Variants in MSH3 observed in about 807,000 individuals in gnomAD.
MSH3 encodes mutS homolog 3.
A neutral mutation model predicts 123.3 loss-of-function variants in MSH3; 106 were observed. That is an observed-to-expected ratio of 0.86 (90% CI 0.73 to 1.01). The LOEUF (loss-of-function observed/expected upper bound fraction) is 1.01. MSH3 is among the 50% of genes least tolerant of loss of function. The probability of loss-of-function intolerance (pLI) is 0.00; values close to 1 mark genes in which losing one functional copy is unlikely to be tolerated. For missense variants in MSH3, 1,459 were observed against 1,347.6 expected (o/e 1.08, Z -1.29); for synonymous variants, 515 against 481.4 (o/e 1.07, Z -0.91).
At chr5:80,812,295 G>C (rs541373486) in intron 19 of MSH3, among the ~76,000 whole-genome samples, 130 of 152,154 alleles carry the variant, frequency 8.5e-4, no homozygotes, top group Non-Finnish European at 1.7e-3. Flanking sequence ...AGTTGTTTGT[G>C]TGAAGTTTCT....
chr5:80,751,989 T>C (rs1289561862), intron 12 of MSH3, among the ~76,000 whole-genome samples: 1 of 152,128 alleles, frequency 6.6e-6, no homozygotes, highest in Non-Finnish European at 1.5e-5. Context: ...TTTTGTAAAA[T>C]TGCCAATCTT....
chr5:80,772,291 A>G (rs1447267136), intron 15 of MSH3, among the ~76,000 whole-genome samples: 1 of 152,216 alleles, frequency 6.6e-6, no homozygotes. Flanking sequence ...AATCTGTTAC[A>G]TCTGAGTACT....
intron 19 of MSH3, among the ~76,000 whole-genome samples, chr5:80,799,780 C>T (rs1008935822): frequency 7.2e-5 from 11 of 151,954 alleles, no homozygotes; most frequent in Non-Finnish European, 1.2e-4. Flanking sequence ...TCCAGTTCTG[C>T]GACTTAGTTG....
In MSH3 at chr5:80,876,733, T is replaced by C. The variant is rs1445968785; in HGVS notation, c.*871T>C. ...AAATTTAAAAGGTTAAATATTGTCATAGGATTAAGCAGTTTAAAGATTGTT... is the reference window on the plus strand; with the variant it reads ...AAATTTAAAAGGTTAAATATTGTCACAGGATTAAGCAGTTTAAAGATTGTT... On this transcript the variant is annotated 3_prime_UTR_variant, in exon 24 of 24. Transcript: ENST00000265081. Among the ~76,000 whole-genome samples the C allele has an allele frequency of 6.6e-6, 1 of 152,138 alleles. No individual in the cohort carries two copies. Among genetic ancestry groups the C allele is most frequent in the East Asian group, 1.9e-4 (1 of 5,196 alleles).
At chr5:80,744,834 G>A (rs1245168783) in intron 12 of MSH3, among the ~76,000 whole-genome samples, 2 of 152,150 alleles carry the variant, frequency 1.3e-5, no homozygotes, top group South Asian at 2.1e-4. Context: ...GACATAGGGC[G>A]TTGTCCCAGG....
chr5:80,797,299 G>A (rs1744715222), intron 19 of MSH3, among the ~76,000 whole-genome samples: 1 of 152,102 alleles, frequency 6.6e-6, no homozygotes, highest in African/African-American at 2.4e-5. Flanking sequence ...AGAGAACAGG[G>A]ACTACATCTC....
intron 8 of MSH3, among the ~76,000 whole-genome samples, chr5:80,719,809 T>C (rs548125040): frequency 2.9e-4 from 44 of 152,342 alleles, no homozygotes; most frequent in African/African-American, 9.6e-4. Flanking sequence ...CTTATATCCA[T>C]GTCTTTCTAG....
intron 18 of MSH3, among the ~76,000 whole-genome samples, chr5:80,788,112 T>G (rs182550850): frequency 7.9e-5 from 12 of 152,312 alleles, no homozygotes; most frequent in African/African-American, 2.6e-4. Context: ...CTCTTTTTCA[T>G]AAAGGATGTT....
chr5:80,657,805 G>A (rs968192565), intron 2 of MSH3, among the ~76,000 whole-genome samples: 4 of 152,088 alleles, frequency 2.6e-5, no homozygotes, highest in Admixed American at 1.3e-4. Context: ...TGTGGCTAAG[G>A]AGAAAAGTAA....
chr5:80,721,419 A>G (rs550872791), intron 8 of MSH3, among the ~76,000 whole-genome samples: 1 of 152,304 alleles, frequency 6.6e-6, no homozygotes, highest in South Asian at 2.1e-4. Flanking sequence ...GACTCCTTGT[A>G]GTCACTATTA....
At chr5:80,771,339 C>A (rs1027197844) in intron 15 of MSH3, among the ~76,000 whole-genome samples, 1 of 151,972 alleles carries the variant, frequency 6.6e-6, no homozygotes, top group African/African-American at 2.4e-5. Context: ...ATTAGCCAGG[C>A]ATAGTGGAAT....
At chr5:80,838,187 AG>A (rs1348794514) in intron 20 of MSH3, among the ~76,000 whole-genome samples, 2 of 152,216 alleles carry the variant, frequency 1.3e-5, no homozygotes, top group Non-Finnish European at 2.9e-5. Flanking sequence ...AAATTATCCA[AG>A]GGGGTGAACA....
chr5:80,679,511 C>T (rs777566729), intron 8 of MSH3, among the ~76,000 whole-genome samples: 6 of 152,130 alleles, frequency 3.9e-5, no homozygotes, highest in Admixed American at 6.5e-5. Context: ...TATTGGTAAT[C>T]TTCAGTTTCT....
At chr5:80,693,610 TACACACACAC>T (rs1300450910) in intron 8 of MSH3, among the ~76,000 whole-genome samples, 2 of 129,382 alleles carry the variant, frequency 1.5e-5, no homozygotes, top group African/African-American at 6.1e-5. Flanking sequence ...CATACATATA[TACACACACAC>T]ATATACACAC....
intron 12 of MSH3, among the ~76,000 whole-genome samples, chr5:80,751,256 AAAAT>A (rs1450232130): frequency 4.6e-5 from 7 of 152,326 alleles, no homozygotes; most frequent in African/African-American, 7.2e-5. Context: ...AATTCTGCTA[AAAAT>A]TAAAGCGAGA....
intron 22 of MSH3, among the ~76,000 whole-genome samples, chr5:80,868,208 G>T (rs547167780): frequency 6.6e-6 from 1 of 152,068 alleles, no homozygotes; most frequent in South Asian, 2.1e-4. Context: ...AAGGCAGTGT[G>T]GTGATTCCTC....
chr5:80,775,122 T>C (rs1421559876), intron 15 of MSH3, among the ~76,000 whole-genome samples: 1 of 152,134 alleles, frequency 6.6e-6, no homozygotes, highest in African/African-American at 2.4e-5. Flanking sequence ...ATACTATGGT[T>C]CATATAAGTG....
At chr5:80,799,838 T>C (rs1416211321) in intron 19 of MSH3, among the ~76,000 whole-genome samples, 1 of 152,196 alleles carries the variant, frequency 6.6e-6, no homozygotes, top group Non-Finnish European at 1.5e-5. Flanking sequence ...ACCTGTATAA[T>C]GGGAATCCAG....
intron 20 of MSH3, among the ~76,000 whole-genome samples, chr5:80,828,312 A>G (rs988854520): frequency 6.6e-6 from 1 of 152,134 alleles, no homozygotes; most frequent in Non-Finnish European, 1.5e-5. Context: ...TAACCCATTG[A>G]TTCATTACCC....
Sources: gnomAD v4.1 joint callset for allele counts (sites outside exome capture counted in the v4.1 genomes callset) on GRCh38, gnomAD v4.1.1 for gene constraint, MANE v1.5 for transcripts, NCBI Gene and HGNC (gene_info 2026-07-23, HGNC 2026-07-21) for gene names.